PHACTR2: variants seen among roughly 807,000 people sequenced by gnomAD.
PHACTR2 encodes the protein chromosome 6 open reading frame 56.
In PHACTR2, 30 loss-of-function variants were observed where a neutral mutation model predicts 76.0. The observed-to-expected ratio is 0.39, with a 90% CI of 0.30 to 0.54. The LOEUF (loss-of-function observed/expected upper bound fraction) is 0.54, where lower values mean the gene tolerates loss of function less well. PHACTR2 is among the 20% of genes least tolerant of loss of function. PHACTR2 has a pLI of 0.61. For missense variants in PHACTR2, 696 were observed against 781.1 expected (o/e 0.89, Z 1.30); for synonymous variants, 292 against 292.5 (o/e 1.00, Z 0.02).
chr6:143,815,431 A>G (rs1289023983), intron 12 of PHACTR2, among the ~76,000 whole-genome samples: 3 of 152,112 alleles, frequency 2.0e-5, no homozygotes, highest in African/African-American at 7.2e-5. Context: ...ATAAATAAAT[A>G]AATAAATAAA....
In PHACTR2 at chr6:143,589,524, A is replaced by T. The variant is rs1775665493; in HGVS notation, c.217+52317A>T. ...TTTTCTTTATTAATTACTCAGTCTC[A>T]GGTAGTTCTTGCAATGCGAGAACAG... On this transcript the variant is annotated intron_variant, in intron 1 of 11. Transcript: ENST00000367584. The surrounding 1 kb of genome is among the most constrained non-coding windows in gnomAD (Gnocchi z 4.4). Among the ~76,000 whole-genome samples the T allele has an allele frequency of 1.3e-5, 2 of 152,204 alleles. No homozygotes were observed. Among genetic ancestry groups the T allele is most frequent in the African/African-American group, 4.8e-5 (2 of 41,522 alleles).
intron 11 of PHACTR2, among the ~76,000 whole-genome samples, chr6:143,802,683 A>T (rs970972343): frequency 6.7e-6 from 1 of 148,840 alleles, no homozygotes; most frequent in African/African-American, 2.5e-5. Context: ...AATTACATAT[A>T]TGTGAAGAAT....
chr6:143,782,767 T>A lies in PHACTR2; in HGVS notation c.1646-452T>A. Among the ~76,000 whole-genome samples, 1 of 152,220 alleles carries A rather than the reference T, an allele frequency of 6.6e-6. No individual in the cohort carries two copies. Among genetic ancestry groups the A allele is most frequent in the East Asian group, 1.9e-4 (1 of 5,202 alleles). On this transcript the variant is annotated intron_variant, in intron 9 of 12. Coordinates refer to ENST00000440869, the MANE Select transcript of PHACTR2 (RefSeq NM_001100164.2). The surrounding 1 kb of genome is among the most constrained non-coding windows in gnomAD (Gnocchi z 4.6). ...TGGAAATCAGCAGCTCAGACATGCATCGGATGGTTCTAATTTGCTCTTTTA... is the reference window on the plus strand; with the variant it reads ...TGGAAATCAGCAGCTCAGACATGCAACGGATGGTTCTAATTTGCTCTTTTA...
Position 143,806,996 on chromosome 6 carries a change from A to G in PHACTR2, c.1846-61A>G. 12 of 874,986 alleles carry G rather than the reference A, an allele frequency of 1.4e-5. No individual in the cohort carries two copies. In the South Asian group the frequency reaches 1.8e-4, roughly 13 times the overall value. 54.2% of individuals were successfully genotyped at this position (874,986 alleles called of 1,614,324 possible). Reference sequence around the variant, plus strand: ...AAGGTCTGCTTCATTGATGCTGTATATACTGGGGCAATATATGACCTAAAT... The same window carrying G: ...AAGGTCTGCTTCATTGATGCTGTATGTACTGGGGCAATATATGACCTAAAT... On this transcript the variant is annotated intron_variant, in intron 11 of 12. Coordinates refer to ENST00000440869, the MANE Select transcript of PHACTR2 (RefSeq NM_001100164.2). The surrounding 1 kb of genome is among the most constrained non-coding windows in gnomAD (Gnocchi z 5.8).
chr6:143,685,413 T>C (rs1777490347), intron 1 of PHACTR2, among the ~76,000 whole-genome samples: 1 of 151,992 alleles, frequency 6.6e-6, no homozygotes, highest in South Asian at 2.1e-4. Flanking sequence ...AGCAACCACA[T>C]AGGAAAACAA....
At chr6:143,768,028 G>C (rs969820108) in intron 6 of PHACTR2, among the ~76,000 whole-genome samples, 1 of 151,440 alleles carries the variant, frequency 6.6e-6, no homozygotes, top group African/African-American at 2.4e-5. Context: ...AGTAGAGATG[G>C]GGTTTCACCA....
At position 143,830,017 on chromosome 6, in the gene PHACTR2, G is replaced by A. The variant is rs188135744; in HGVS notation, c.*6328G>A. ...GGCTTTTCCCTTACTGGATACTTTTGTTATAGTTTGACTATGTCATTATGT... is the reference window on the plus strand; with the variant it reads ...GGCTTTTCCCTTACTGGATACTTTTATTATAGTTTGACTATGTCATTATGT... On this transcript the variant is annotated 3_prime_UTR_variant, in exon 13 of 13. Transcript: ENST00000440869. 1 of 152,170 alleles carries A rather than the reference G, an allele frequency of 6.6e-6. No individual in the cohort carries two copies. The highest frequency in any genetic ancestry group is 2.4e-5 in the African/African-American group (1 of 41,550). 9.4% of individuals were successfully genotyped at this position (152,170 alleles called of 1,614,324 possible).
rs181152517 is a variant in PHACTR2 at position 143,726,387 on chromosome 6, T to G, written c.214+14204T>G. Among the ~76,000 whole-genome samples the G allele has an allele frequency of 2.8e-3, 433 of 152,318 alleles. 3 individuals are homozygous for G. The highest frequency in any genetic ancestry group is 0.01 in the African/African-American group (418 of 41,570). ...GTTCTATGAATAGATCTCCGGAACT[T>G]TTTCATCCTGCAGAACTGAAACTCT... On this transcript the variant is annotated intron_variant, in intron 2 of 12. Transcript: ENST00000440869.
At chr6:143,747,068 TTC>T (rs1779083254) in intron 2 of PHACTR2, among the ~76,000 whole-genome samples, 1 of 152,220 alleles carries the variant, frequency 6.6e-6, no homozygotes, top group African/African-American at 2.4e-5. Context: ...TTTGTTTCTA[TTC>T]TGATTCTATC....
At chr6:143,771,080 T>C in intron 6 of PHACTR2, among the ~76,000 whole-genome samples, 1 of 142,670 alleles carries the variant, frequency 7.0e-6, no homozygotes, top group Non-Finnish European at 1.5e-5. Context: ...AATGAGTTTT[T>C]ACTATTTACA....
chr6:143,820,153 T>G lies in PHACTR2; in HGVS notation c.1923-3521T>G. On this transcript the variant is annotated intron_variant, in intron 12 of 12. Transcript: ENST00000440869. The surrounding 1 kb of genome is among the most constrained non-coding windows in gnomAD (Gnocchi z 4.2). ...GACCCAAACACCTCCCAGCCCCACC[T>G]CCAGCATTGGGGATTATATTCCAAC... 6.6e-6 allele frequency among the ~76,000 whole-genome samples: 1 copy of G among 152,196 alleles called. No homozygotes were observed. Among genetic ancestry groups the G allele is most frequent in the East Asian group, 1.9e-4 (1 of 5,180 alleles).
In PHACTR2 at chr6:143,578,057, A is replaced by C. The variant is rs1034182129; in HGVS notation, c.217+40850A>C. Reference sequence around the variant, plus strand: ...AACACCTGTGAGAATTCCACAGTCAACTTGCTTACTAGGCCCCTCCCTTTC... The same window carrying C: ...AACACCTGTGAGAATTCCACAGTCACCTTGCTTACTAGGCCCCTCCCTTTC... On this transcript the variant is annotated intron_variant, in intron 1 of 11. Coordinates refer to the PHACTR2 transcript ENST00000367584. The surrounding 1 kb of genome is among the most constrained non-coding windows in gnomAD (Gnocchi z 4.5). Among the ~76,000 whole-genome samples the C allele has an allele frequency of 1.3e-5, 2 of 152,166 alleles. No individual in the cohort carries two copies. Among genetic ancestry groups the C allele is most frequent in the African/African-American group, 4.8e-5 (2 of 41,426 alleles).
In PHACTR2 at chr6:143,731,904, G is replaced by A. The variant is rs1315459278; in HGVS notation, c.215-17081G>A. Among the ~76,000 whole-genome samples, 1 of 152,076 alleles carries A rather than the reference G, an allele frequency of 6.6e-6. No homozygotes were observed. The highest frequency in any genetic ancestry group is 1.5e-5 in the Non-Finnish European group (1 of 68,018). ...ATATTCAATTTCTTTTATAGTTATA[G>A]GACCATTCAGGTGATCTCTTTTAAC... On this transcript the variant is annotated intron_variant, in intron 2 of 12. Transcript: ENST00000440869. The surrounding 1 kb of genome is among the most constrained non-coding windows in gnomAD (Gnocchi z 4.9).
rs556067395 is a variant in PHACTR2 at position 143,816,883 on chromosome 6, T to C, written c.1923-6791T>C. Reference sequence around the variant, plus strand: ...GAGTTCAAGACCAGCCTGGTCAACATGGCACAATGCTGTCTCTACAAAAAA... The same window carrying C: ...GAGTTCAAGACCAGCCTGGTCAACACGGCACAATGCTGTCTCTACAAAAAA... On this transcript the variant is annotated intron_variant, in intron 12 of 12. Transcript: ENST00000440869. The surrounding 1 kb of genome is among the most constrained non-coding windows in gnomAD (Gnocchi z 4.5). Among the ~76,000 whole-genome samples, 16 of 152,142 alleles carry C rather than the reference T, an allele frequency of 1.1e-4. No homozygotes were observed. Among genetic ancestry groups the C allele is most frequent in the African/African-American group, 3.9e-4 (16 of 41,502 alleles).
In PHACTR2 at chr6:143,602,146, C is replaced by T. The variant is rs143512731; in HGVS notation, c.217+64939C>T. 3.9e-3 allele frequency among the ~76,000 whole-genome samples: 598 copies of T among 152,216 alleles called. 6 individuals are homozygous for T. Among genetic ancestry groups the T allele is most frequent in the African/African-American group, 0.014 (575 of 41,542 alleles). On this transcript the variant is annotated intron_variant, in intron 1 of 11. Transcript: ENST00000367584. The surrounding 1 kb of genome is among the most constrained non-coding windows in gnomAD (Gnocchi z 6.1). ...GTTCCTTTAGTTTTGTTTTCACTCT[C>T]GCTCTCCCCCTCCCTAATAGTTTTA... is the stretch of plus-strand genomic sequence containing the variant.
At position 143,733,511 on chromosome 6, in the gene PHACTR2, G is replaced by A. The variant is rs1356110213; in HGVS notation, c.215-15474G>A. The stretch of plus-strand genomic sequence containing the variant: ...GAATCTTTTCGATTTGGAAAGTGCT[G>A]GATTTGGGGTGAGGGGTAGGGAATG... On this transcript the variant is annotated intron_variant, in intron 2 of 12. Transcript: ENST00000440869. The surrounding 1 kb of genome is among the most constrained non-coding windows in gnomAD (Gnocchi z 4.0). Among the ~76,000 whole-genome samples the A allele has an allele frequency of 6.6e-6, 1 of 152,276 alleles. No individual in the cohort carries two copies. The highest frequency in any genetic ancestry group is 1.9e-4 in the East Asian group (1 of 5,186).
In PHACTR2 at chr6:143,780,988, G is replaced by C. The variant is rs1775415556; in HGVS notation, c.1646-2231G>C. Among the ~76,000 whole-genome samples the C allele has an allele frequency of 6.6e-6, 1 of 152,188 alleles. No homozygotes were observed. The highest frequency in any genetic ancestry group is 1.9e-4 in the East Asian group (1 of 5,200). The stretch of plus-strand genomic sequence containing the variant: ...AGATTTTACAATGACTGTTTAATAA[G>C]ATTCAGAGAAGCTGTCATGGTAGCT... On this transcript the variant is annotated intron_variant, in intron 9 of 12. Transcript: ENST00000440869. The surrounding 1 kb of genome is among the most constrained non-coding windows in gnomAD (Gnocchi z 4.4).
rs1228812384 is a variant in PHACTR2 at position 143,550,127 on chromosome 6, CA to C, written c.217+12921del. Among the ~76,000 whole-genome samples the C allele has an allele frequency of 1.3e-5, 2 of 152,044 alleles. No homozygotes were observed. Among genetic ancestry groups the C allele is most frequent in the Admixed American group, 1.3e-4 (2 of 15,244 alleles). ...TCTGAGTTCACATATGAGTAGATGACAGAGTCGTATTATCTAATGTAGCATT... is the reference window on the plus strand; with the variant it reads ...TCTGAGTTCACATATGAGTAGATGACGAGTCGTATTATCTAATGTAGCATT... On this transcript the variant is annotated intron_variant, in intron 1 of 11. Transcript: ENST00000367584. The surrounding 1 kb of genome is among the most constrained non-coding windows in gnomAD (Gnocchi z 4.8).
Position 143,633,514 on chromosome 6 carries a change from G to T in PHACTR2, c.13+25192G>T, listed in dbSNP as rs1454838931. Among the ~76,000 whole-genome samples, 1 of 152,088 alleles carries T rather than the reference G, an allele frequency of 6.6e-6. No homozygotes were observed. Among genetic ancestry groups the T allele is most frequent in the Non-Finnish European group, 1.5e-5 (1 of 68,012 alleles). ...GGATTCTTCATTCCCTTATTGTTGT[G>T]CTTGAAGAGTTTATATTTTGGGTAA... On this transcript the variant is annotated intron_variant, in intron 1 of 11. Transcript: ENST00000305766. The surrounding 1 kb of genome is among the most constrained non-coding windows in gnomAD (Gnocchi z 4.1).
Sources: allele counts gnomAD v4.1 joint callset (sites outside exome capture counted in the v4.1 genomes callset), GRCh38; gene constraint gnomAD v4.1.1; non-coding constraint Gnocchi (gnomAD v3.1); transcripts MANE v1.5; gene names NCBI Gene and HGNC (gene_info 2026-07-23, HGNC 2026-07-21).